Variants in PREX2 observed in about 807,000 individuals in gnomAD.
The protein encoded by PREX2 is phosphatidylinositol 3,4,5-trisphosphate-dependent Rac exchanger 2 protein.
In PREX2, 107 loss-of-function variants were observed where a neutral mutation model predicts 203.2. The ratio of observed to expected loss-of-function variants is 0.53; its 90% confidence interval spans 0.45 to 0.62. PREX2 has a LOEUF of 0.62. PREX2 is among the 20% of genes least tolerant of loss of function. The pLI is 0.00. For missense variants in PREX2, 1,777 were observed against 1,955.9 expected, an observed-to-expected ratio of 0.91 and a Z score of 1.72; for synonymous variants, 672 against 663.6, an observed-to-expected ratio of 1.01 and a Z score of -0.19.
chr8:68,019,745 A>G (rs1807511185), intron 3 of PREX2, 74 bp downstream of exon 3: 7 of 1,401,064 alleles, frequency 5.0e-6, no homozygotes, highest in East Asian at 4.6e-5. Flanking sequence ...GCATAGTGGT[A>G]TGTGTGAATT....
intron 31 of PREX2, among the ~76,000 whole-genome samples, chr8:68,131,991 A>G (rs1315325065): frequency 1.3e-5 from 2 of 152,160 alleles, no homozygotes; most frequent in Admixed American, 6.6e-5. Flanking sequence ...ATAATTTTCA[A>G]CAAAGATGTA....
intron 1 of PREX2, among the ~76,000 whole-genome samples, chr8:67,957,004 G>C (rs1805509697): frequency 6.6e-6 from 1 of 152,188 alleles, no homozygotes; most frequent in Non-Finnish European, 1.5e-5. Flanking sequence ...CAGGGGTATT[G>C]TAAGGATGAT....
intron 1 of PREX2, among the ~76,000 whole-genome samples, chr8:67,984,251 A>T (rs563541799): frequency 1.3e-5 from 2 of 152,240 alleles, no homozygotes; most frequent in East Asian, 1.9e-4. Context: ...TCATATACAC[A>T]TCCGTGTCCC....
chr8:67,997,811 C>T (rs1563491657), intron 1 of PREX2, among the ~76,000 whole-genome samples: 1 of 152,092 alleles, frequency 6.6e-6, no homozygotes, highest in Non-Finnish European at 1.5e-5. Context: ...ACATTTACTT[C>T]TCCCAAGATC....
intron 7 of PREX2, among the ~76,000 whole-genome samples, chr8:68,042,785 A>G (rs1272373478): frequency 6.6e-6 from 1 of 152,150 alleles, no homozygotes; most frequent in Non-Finnish European, 1.5e-5. Flanking sequence ...TATCTGAGCT[A>G]AGAATTATAG....
At chr8:68,020,087 A>C (rs907363110) in intron 3 of PREX2, among the ~76,000 whole-genome samples, 1 of 151,440 alleles carries the variant, frequency 6.6e-6, no homozygotes, top group Admixed American at 6.6e-5. Context: ...CTTGTGACAA[A>C]CCTGGAGTTG....
chr8:68,162,344 A>G (rs957278209), intron 35 of PREX2, among the ~76,000 whole-genome samples: 4 of 152,178 alleles, frequency 2.6e-5, no homozygotes, highest in African/African-American at 9.6e-5. Context: ...TAGTTTTACT[A>G]TGCCATATAG....
chr8:68,176,100 A>T (rs561661408), intron 35 of PREX2, among the ~76,000 whole-genome samples: 1 of 152,286 alleles, frequency 6.6e-6, no homozygotes, highest in South Asian at 2.1e-4. Context: ...ATTTGAAAAA[A>T]GTCTGGGATG....
chr8:68,108,178 C>CT lies in PREX2; in HGVS notation c.2785_2786insT (p.His929LeufsTer4). On this transcript the variant is annotated frameshift_variant, in exon 24 of 40. Coordinates refer to ENST00000288368, the MANE Select transcript of PREX2 (RefSeq NM_024870.4). LOFTEE classifies it high-confidence loss of function. Reference sequence around the variant, plus strand: ...GGCCAAATCTAAAATCTCCCCACTGCACAGCAGTGATTTCTGCCCTACCAA... The same window carrying CT: ...GGCCAAATCTAAAATCTCCCCACTGCTACAGCAGTGATTTCTGCCCTACCAA... 6.2e-7 allele frequency: 1 copy of CT among 1,614,020 alleles called. No homozygotes were observed.
intron 4 of PREX2, among the ~76,000 whole-genome samples, chr8:68,023,569 CTGTT>C (rs1807630193): frequency 6.6e-6 from 1 of 151,976 alleles, no homozygotes; most frequent in African/African-American, 2.4e-5. Context: ...TGTTGTTTGT[CTGTT>C]CATTTTTAAA....
intron 34 of PREX2, among the ~76,000 whole-genome samples, chr8:68,149,986 A>G (rs959572076): frequency 1.1e-4 from 16 of 152,222 alleles, no homozygotes; most frequent in Non-Finnish European, 2.2e-4. Flanking sequence ...ATATTTCTGC[A>G]TGTTAGGTTG....
intron 1 of PREX2, among the ~76,000 whole-genome samples, chr8:67,961,327 A>G (rs893340594): frequency 1.3e-5 from 2 of 151,804 alleles, no homozygotes. Flanking sequence ...GTTCTTCATT[A>G]AAAGTGTTAT....
Position 68,101,612 on chromosome 8 carries a change from G to T in PREX2, c.2715+1769G>T, listed in dbSNP as rs575888875. Among the ~76,000 whole-genome samples the T allele has an allele frequency of 1.6e-3, 236 of 152,030 alleles. 1 individual carries two copies. The highest frequency in any genetic ancestry group is 5.5e-3 in the African/African-American group (229 of 41,344). On this transcript the variant is annotated intron_variant, in intron 23 of 39. Coordinates refer to ENST00000288368, the MANE Select transcript of PREX2 (RefSeq NM_024870.4). The stretch of plus-strand genomic sequence containing the variant: ...CTTTGAAGTAAAATTGAAGTAAAAG[G>T]TCTAAACAAATGCAAACGAAAATGC...
intron 1 of PREX2, among the ~76,000 whole-genome samples, chr8:67,985,344 AT>A (rs1479979645): frequency 1.3e-5 from 2 of 150,978 alleles, no homozygotes; most frequent in Non-Finnish European, 2.9e-5. Flanking sequence ...GTTTCTTATA[AT>A]TTTTTTGATA....
At chr8:68,097,326 C>CTT (rs5892134) in intron 22 of PREX2, 125 bp downstream of exon 22, 21,904 of 567,400 alleles carry the variant, frequency 0.039, 8 homozygotes, top group South Asian at 0.061. Context: ...ATTCAAACTT[C>CTT]TTTTTTTTTT....
rs566893403 is a variant in PREX2, at chr8:68,193,480, C to T, written c.4604+955C>T. Among the ~76,000 whole-genome samples, 25 of 152,258 alleles carry T rather than the reference C, an allele frequency of 1.6e-4. No homozygotes were observed. In the East Asian group the frequency reaches 4.1e-3, roughly 25 times the overall value. On this transcript the variant is annotated intron_variant, in intron 37 of 39. Coordinates refer to ENST00000288368, the MANE Select transcript of PREX2 (RefSeq NM_024870.4). ...GTGTTTACTTATTTATTCAAATTTA[C>T]TTGGCACTGAATCCATGCAAAGGAT...
chr8:68,123,358 G>A lies in PREX2; in HGVS notation c.3724+2309G>A, dbSNP rs1203608715. On this transcript the variant is annotated intron_variant, in intron 30 of 39. Coordinates refer to ENST00000288368, the MANE Select transcript of PREX2 (RefSeq NM_024870.4). The stretch of plus-strand genomic sequence containing the variant: ...GAAGCAAGAGAAAATCAAACCCAAA[G>A]GTGCCAGAGGACAAGAAATAACTAA... 3.3e-5 allele frequency among the ~76,000 whole-genome samples: 5 copies of A among 151,944 alleles called. No individual in the cohort carries two copies. The East Asian group carries it at 9.7e-4, about 29-fold the overall frequency.
chr8:68,202,104 C>T (rs1033005106), intron 37 of PREX2, among the ~76,000 whole-genome samples: 6 of 151,798 alleles, frequency 4.0e-5, no homozygotes, highest in African/African-American at 1.2e-4. Context: ...GTTTCACCAT[C>T]GTGGCCAGAC....
At chr8:68,203,724 C>T (rs1192391592) in intron 37 of PREX2, among the ~76,000 whole-genome samples, 2 of 152,092 alleles carry the variant, frequency 1.3e-5, no homozygotes, top group African/African-American at 2.4e-5. Context: ...CTCACATCCC[C>T]GTCCTCTGTG....
Sources: allele counts gnomAD v4.1 joint callset (sites outside exome capture counted in the v4.1 genomes callset), GRCh38; gene constraint gnomAD v4.1.1; transcripts MANE v1.5; gene names NCBI Gene and HGNC (gene_info 2026-07-23, HGNC 2026-07-21).